The following TOP2A variants were observed in gnomAD, a reference collection of about 807,000 sequenced individuals.
TOP2A encodes the protein DNA topoisomerase II alpha, also known as DNA topoisomerase 2-alpha.
In TOP2A, 68 loss-of-function variants were observed where a neutral mutation model predicts 187.2. The ratio of observed to expected loss-of-function variants is 0.36; its 90% CI spans 0.30 to 0.44. TOP2A has a LOEUF of 0.44. Ranked by LOEUF, TOP2A falls within the 20% of genes least tolerant of loss-of-function variation. The pLI, the probability that TOP2A is intolerant of heterozygous loss-of-function variation, is 1.00. For missense variants in TOP2A, 1,196 were observed against 1,808.7 expected (o/e 0.66, Z 6.14); for synonymous variants, 542 against 593.2 (o/e 0.91, Z 1.25).
chr17:40,406,429 G>C lies in TOP2A; in HGVS notation c.1908C>G (p.Ile636Met). 1 of 1,613,762 alleles carries C rather than the reference G, an allele frequency of 6.2e-7. No individual in the cohort carries two copies. The highest frequency in any genetic ancestry group is 8.5e-7 in the Non-Finnish European group (1 of 1,179,746). The change falls in exon 16 of 35, where the codon ATC becomes ATG. Residue 636 changes from isoleucine to methionine, a missense_variant. Physicochemically the swap from Ile to Met is conservative, Grantham distance 10. Transcript: ENST00000423485. ...EYFADMKRHRIQFKYSGPEDD... is the reference protein window; with the variant it reads ...EYFADMKRHRMQFKYSGPEDD... ...CTTCAGGACCAGAATATTTGAACTGGATACGATGTCTTTTCATATCTGCAA... is the reference window on the plus strand; with the variant it reads ...CTTCAGGACCAGAATATTTGAACTGCATACGATGTCTTTTCATATCTGCAA...
rs149038332 is a variant in TOP2A at position 40,415,876 on chromosome 17, T to C, written c.332+129A>G. On this transcript the variant is annotated intron_variant, in intron 4 of 34. Transcript: ENST00000423485. ...GTGGTGGGTATCCATAGGTTTTTCA[T>C]TTTAGCATTCTGCTTTTGTGTACTT... 51 of 648,310 alleles carry C rather than the reference T, an allele frequency of 7.9e-5. No individual in the cohort carries two copies. The East Asian group carries it at 1.4e-3, about 17-fold the overall frequency. The allele number at this position is 648,310 out of a possible 1,614,324, so 40.2% of individuals were successfully genotyped here. A position where few individuals can be genotyped will look rare whatever the true frequency, so the allele number is the denominator to read the frequency against.
At chr17:40,390,624 ATTTTTTTTTT>A (rs202246173) in intron 33 of TOP2A, among the ~76,000 whole-genome samples, 2 of 129,792 alleles carry the variant, frequency 1.5e-5, no homozygotes, top group African/African-American at 5.7e-5. Flanking sequence ...TAAACATTCT[ATTTTTTTTTT>A]TTTTTTTTTG....
chr17:40,409,883 C>A, intron 10 of TOP2A: 1 of 164,496 alleles, frequency 6.1e-6, no homozygotes, highest in Non-Finnish European at 1.3e-5. Flanking sequence ...AGTTTGAGAC[C>A]AGCCTGACCA....
chr17:40,404,404 C>T lies in TOP2A; in HGVS notation c.2134G>A (p.Glu712Lys), dbSNP rs1251112801. 3.1e-6 allele frequency: 5 copies of T among 1,609,682 alleles called. No individual in the cohort carries two copies. The highest frequency in any genetic ancestry group is 4.2e-6 in the Non-Finnish European group (5 of 1,176,622). ...ELILFSNSDNERSIPSMVDGL... is the reference protein window; with the variant it reads ...ELILFSNSDNKRSIPSMVDGL... ...TCCACCATAGAAGGGATAGATCTCT[C>T]GTTATCAGAATTTGAGAACAAGATA... The change falls in exon 18 of 35, where the codon GAG becomes AAG. Residue 712 changes from glutamate (E) to lysine (K), a missense_variant. Coordinates refer to ENST00000423485, the MANE Select transcript of TOP2A (RefSeq NM_001067.4).
Position 40,389,631 on chromosome 17 carries a change from C to G in TOP2A, c.4484G>C (p.Ser1495Thr), listed in dbSNP as rs1349820127. Residue 1495 changes from serine to threonine, a missense_variant, in exon 35 of 35, where the codon AGT (serine) becomes ACT (threonine). Ser to Thr is a moderately conservative substitution (Grantham distance 58). Coordinates refer to ENST00000423485, the MANE Select transcript of TOP2A (RefSeq NM_001067.4). ...GTCAAAGTCCATATGGAAGTCATCACTCTCCCCCTTGGATTTCTAAAAGAG... is the reference window on the plus strand; with the variant it reads ...GTCAAAGTCCATATGGAAGTCATCAGTCTCCCCCTTGGATTTCTAAAAGAG... ...AVTSKKSKGESDDFHMDFDSA... is the reference protein window; with the variant it reads ...AVTSKKSKGETDDFHMDFDSA... 6.2e-7 allele frequency: 1 copy of G among 1,610,066 alleles called. No homozygotes were observed. Among genetic ancestry groups the G allele is most frequent in the Non-Finnish European group, 8.5e-7 (1 of 1,178,276 alleles).
rs2035103086 is a variant in TOP2A, at chr17:40,396,556, T to TA, written c.3538-92dup. The TA allele has an allele frequency of 5.4e-6, 8 of 1,486,380 alleles. No homozygotes were observed. The African/African-American group carries it at 1.1e-4, about 21-fold the overall frequency. The allele number at this position is 1,486,380 out of a possible 1,614,324, so 92.1% of individuals were successfully genotyped here. A position where few individuals can be genotyped will look rare whatever the true frequency, so the allele number is the denominator to read the frequency against. ...AACAGTTAAACTGATTTCATTTTGT[T>TA]ACATCTTAAAAACTAGTGATAAATT... On this transcript the variant is annotated intron_variant, in intron 27 of 34. Transcript: ENST00000423485.
chr17:40,400,585 T>C lies in TOP2A; in HGVS notation c.2743A>G (p.Ile915Val). The change falls in exon 22 of 35, where the codon ATT becomes GTT. Residue 915 changes from isoleucine (I) to valine (V), a missense_variant. Ile to Val is a conservative substitution (Grantham distance 29). Coordinates refer to ENST00000423485, the MANE Select transcript of TOP2A (RefSeq NM_001067.4). Reference protein sequence around the residue: ...NQYVISGEVAILNSTTIEISE... With the variant: ...NQYVISGEVAVLNSTTIEISE... ...ATTTCAATGGTTGTAGAATTAAGAA[T>C]AGCTACTTCACCACTAATCACATAT... The C allele has an allele frequency of 6.2e-7, 1 of 1,611,874 alleles. No individual in the cohort carries two copies. The highest frequency in any genetic ancestry group is 8.5e-7 in the Non-Finnish European group (1 of 1,179,014).
intron 10 of TOP2A, chr17:40,409,301 G>A (rs2035288838): frequency 5.8e-6 from 2 of 342,772 alleles, no homozygotes; most frequent in African/African-American, 5.3e-5. Flanking sequence ...GCTTTAACCT[G>A]GGAGGCGCGG....
rs774368664 is a variant in TOP2A at position 40,411,587 on chromosome 17, A to G, written c.963+58T>C. Reference sequence around the variant, plus strand: ...CAAGTCCACTTTATATATTAAAAACAATAAGAACACATATATGTAAAGATA... The same window carrying G: ...CAAGTCCACTTTATATATTAAAAACGATAAGAACACATATATGTAAAGATA... On this transcript the variant is annotated intron_variant, in intron 8 of 34. Transcript: ENST00000423485. This position sits in a 1 kb window ranked among gnomAD's most constrained non-coding sequence, Gnocchi z 4.4. 1.5e-5 allele frequency: 23 copies of G among 1,572,072 alleles called. No individual in the cohort carries two copies. In the South Asian group the frequency reaches 2.4e-4, roughly 16 times the overall value.
At chr17:40,415,978 A>G (rs1241598446) in intron 4 of TOP2A, 27 bp downstream of exon 4, 1 of 1,511,682 alleles carries the variant, frequency 6.6e-7, no homozygotes, top group Non-Finnish European at 9.1e-7. Flanking sequence ...AACGAGCTAC[A>G]TAACAAAAAC....
At chr17:40,395,803 G>T (rs1401234656) in intron 28 of TOP2A, among the ~76,000 whole-genome samples, 1 of 151,826 alleles carries the variant, frequency 6.6e-6, no homozygotes, top group Admixed American at 6.6e-5. Context: ...CACGAGAATC[G>T]CTTGAATACG....
chr17:40,405,660 G>A (rs1301403248), intron 16 of TOP2A, among the ~76,000 whole-genome samples: 5 of 151,674 alleles, frequency 3.3e-5, no homozygotes, highest in Non-Finnish European at 5.9e-5. Context: ...TAGTAGAGAC[G>A]GGGTTTCACC....
At chr17:40,414,309 C>T (rs2035363021) in intron 4 of TOP2A, among the ~76,000 whole-genome samples, 1 of 152,152 alleles carries the variant, frequency 6.6e-6, no homozygotes, top group South Asian at 2.1e-4. Flanking sequence ...GCAATCCTCC[C>T]ACTTCAGCCT....
chr17:40,413,434 T>C (rs985824371), intron 5 of TOP2A, 46 bp downstream of exon 5: 28 of 1,441,604 alleles, frequency 1.9e-5, no homozygotes, highest in Non-Finnish European at 2.6e-5. Flanking sequence ...CATTTAAATA[T>C]ATATATTTTT....
rs371613118 is a variant in TOP2A, at chr17:40,392,053, T to C, written c.4132+15A>G. The C allele has an allele frequency of 6.2e-7, 1 of 1,610,456 alleles. No individual in the cohort carries two copies. Among genetic ancestry groups the C allele is most frequent in the South Asian group, 1.1e-5 (1 of 90,004 alleles). ...AGTAAGGCAGATGTCTCACTACTTT[T>C]ACTTAAATACATACCTGACACGACA... On this transcript the variant is annotated intron_variant, in intron 32 of 34. Transcript: ENST00000423485.
rs781687313 is a variant in TOP2A at position 40,400,631 on chromosome 17, A to G, written c.2697T>C (p.Ile899=). The change falls in exon 22 of 35, where the codon ATT becomes ATC. Residue 899 remains isoleucine (I), a synonymous_variant. Coordinates refer to ENST00000423485, the MANE Select transcript of TOP2A (RefSeq NM_001067.4). ...CATATTGATTTGGAGCCAGTTCTTCAATAGTACCCTTGAAGTTCTTGTAAC... is the reference window on the plus strand; with the variant it reads ...CATATTGATTTGGAGCCAGTTCTTCGATAGTACCCTTGAAGTTCTTGTAAC... ...LPSYKNFKGT[I]EELAPNQYVI... 1.2e-6 allele frequency: 2 copies of G among 1,605,900 alleles called. No homozygotes were observed. Among genetic ancestry groups the G allele is most frequent in the Non-Finnish European group, 1.7e-6 (2 of 1,177,348 alleles).
intron 1 of TOP2A, among the ~76,000 whole-genome samples, chr17:40,417,329 G>A (rs969881757): frequency 6.6e-6 from 1 of 152,138 alleles, no homozygotes; most frequent in African/African-American, 2.4e-5. Flanking sequence ...CCTGAGCGTT[G>A]TGAACTCAGG....
chr17:40,416,991 A>T, intron 1 of TOP2A, 96 bp from the exon 2 acceptor site: 1 of 1,053,882 alleles, frequency 9.5e-7, no homozygotes, highest in Non-Finnish European at 1.4e-6. Context: ...AGATGTCAAC[A>T]TGCATTGCAA....
chr17:40,406,702 A>G lies in TOP2A; in HGVS notation c.1738-13T>C, dbSNP rs762684728. 1 of 1,608,944 alleles carries G rather than the reference A, an allele frequency of 6.2e-7. No homozygotes were observed. Among genetic ancestry groups the G allele is most frequent in the Admixed American group, 1.7e-5 (1 of 59,648 alleles). On this transcript the variant is annotated splice_polypyrimidine_tract_variant and intron_variant, in intron 14 of 34. Coordinates refer to ENST00000423485, the MANE Select transcript of TOP2A (RefSeq NM_001067.4). ...TGTTTTTAGATACCTGTGATAAAAA[A>G]CAATGACTGTGGCTTTGTACACTGT...
Sources: gnomAD v4.1 joint callset for allele counts (sites outside exome capture counted in the v4.1 genomes callset) on GRCh38, gnomAD v4.1.1 for gene constraint, Gnocchi (gnomAD v3.1) non-coding constraint, MANE v1.5 for transcripts, NCBI Gene and HGNC (gene_info 2026-07-23, HGNC 2026-07-21) for gene names.